Variants in OAS2 observed in about 807,000 individuals in gnomAD.
The protein encoded by OAS2 is 2'-5'-oligoadenylate synthase 2.
OAS2 carries 67 observed loss-of-function variants against 71.3 expected under a neutral mutation model. That is an observed-to-expected ratio of 0.94 (90% CI 0.77 to 1.15). The LOEUF (loss-of-function observed/expected upper bound fraction) is 1.15. Among genes scored for constraint, OAS2 ranks in the 50% most tolerant of loss-of-function variants. The probability of loss-of-function intolerance (pLI) is 0.00; values close to 1 mark genes in which losing one functional copy is unlikely to be tolerated. For missense variants in OAS2, 789 were observed against 822.5 expected (o/e 0.96, Z 0.50); for synonymous variants, 327 against 321.8 (o/e 1.02, Z -0.17).
At chr12:112,979,948 G>A (rs1248129088) in intron 1 of OAS2, among the ~76,000 whole-genome samples, 1 of 152,218 alleles carries the variant, frequency 6.6e-6, no homozygotes, top group Admixed American at 6.5e-5. Context: ...AAACCAGGAT[G>A]CATGGGTGAA....
intron 1 of OAS2, among the ~76,000 whole-genome samples, chr12:112,986,798 TG>T (rs1229012099): frequency 6.6e-6 from 1 of 152,116 alleles, no homozygotes; most frequent in Non-Finnish European, 1.5e-5. Flanking sequence ...TGGTGGCAGG[TG>T]GGGCAGTTCA....
At chr12:112,992,098 A>AC (rs5800979) in intron 2 of OAS2, among the ~76,000 whole-genome samples, 41,876 of 151,900 alleles carry the variant, frequency 0.28, 6,724 homozygotes, top group East Asian at 0.8. Flanking sequence ...ATAATCACAA[A>AC]CTTAAATAAT....
In OAS2 at chr12:112,978,815, G is replaced by T. The variant is rs1186288504; in HGVS notation, c.177+30G>T. 1.9e-6 allele frequency: 3 copies of T among 1,579,446 alleles called. No individual in the cohort carries two copies. The highest frequency in any genetic ancestry group is 2.3e-5 in the South Asian group (2 of 87,356). ...GTCCAGGGCTGAGGTTGGGTCTCTG[G>T]GAGGCAGGAGATTCCACGGCGGCAG... is the stretch of plus-strand genomic sequence containing the variant. On this transcript the variant is annotated intron_variant, in intron 1 of 9. Coordinates refer to ENST00000392583, the MANE Select transcript of OAS2 (RefSeq NM_002535.3). The surrounding 1 kb of genome is among the most constrained non-coding windows in gnomAD (Gnocchi z 4.2).
Position 113,003,014 on chromosome 12 carries a change from A to G in OAS2, c.1091A>G (p.Glu364Gly). ...CTCCAGCCCAACAAATGCTTCCTAGAGCAGATTGACAGTGCTGTTAACATC... is the reference window on the plus strand; with the variant it reads ...CTCCAGCCCAACAAATGCTTCCTAGGGCAGATTGACAGTGCTGTTAACATC... ...EFLQPNKCFL[E>G]QIDSAVNIIR... Residue 364 changes from glutamate (E) to glycine (G), a missense_variant, in exon 6 of 10, where the codon GAG becomes GGG. By Grantham distance (98) the Glu-to-Gly change is moderately conservative. Transcript: ENST00000392583. The G allele has an allele frequency of 1.2e-6, 2 of 1,614,148 alleles. No homozygotes were observed.
chr12:112,986,598 C>G (rs2136378599), intron 1 of OAS2, among the ~76,000 whole-genome samples: 1 of 152,288 alleles, frequency 6.6e-6, no homozygotes, highest in East Asian at 1.9e-4. Context: ...TCTCCTGGCC[C>G]CTGGGCAGCA....
intron 2 of OAS2, among the ~76,000 whole-genome samples, chr12:112,991,723 G>C (rs1009909358): frequency 5.9e-5 from 9 of 152,214 alleles, no homozygotes; most frequent in Non-Finnish European, 1.2e-4. Flanking sequence ...GTCCTGAGAA[G>C]TTCCCAGCTT....
intron 5 of OAS2, 45 bp downstream of exon 5, chr12:112,998,455 G>T (rs1227583426): frequency 6.9e-6 from 11 of 1,584,572 alleles, no homozygotes; most frequent in East Asian, 2.3e-5. Flanking sequence ...CTGCAGGAAG[G>T]TCTTCCTGAC....
Position 113,009,650 on chromosome 12 carries a change from G to A in OAS2, c.*395G>A. 1 of 992,560 alleles carries A rather than the reference G, an allele frequency of 1.0e-6. No individual in the cohort carries two copies. The highest frequency in any genetic ancestry group is 1.2e-6 in the Non-Finnish European group (1 of 835,044). The allele number at this position is 992,560 out of a possible 1,614,324, so 61.5% of individuals were successfully genotyped here. A position where few individuals can be genotyped will look rare whatever the true frequency, so the allele number is the denominator to read the frequency against. Reference sequence around the variant, plus strand: ...CGGCCACGGTGCCTCCAGATGGCAGGTTTGCAATCCAAGCAGGAAGAAGGA... The same window carrying A: ...CGGCCACGGTGCCTCCAGATGGCAGATTTGCAATCCAAGCAGGAAGAAGGA... On this transcript the variant is annotated 3_prime_UTR_variant, in exon 10 of 10. Transcript: ENST00000392583.
At chr12:112,993,325 C>T (rs931468902) in intron 2 of OAS2, among the ~76,000 whole-genome samples, 6 of 152,146 alleles carry the variant, frequency 3.9e-5, no homozygotes, top group Non-Finnish European at 7.3e-5. Flanking sequence ...TTCCATTATC[C>T]TCATCTGTAA....
chr12:112,985,133 C>T (rs917949881), intron 1 of OAS2, among the ~76,000 whole-genome samples: 3 of 152,144 alleles, frequency 2.0e-5, no homozygotes, highest in African/African-American at 7.2e-5. Context: ...CTGCAGAAGA[C>T]ATTTTGGGGT....
chr12:113,010,056 C>T lies in OAS2; in HGVS notation c.*801C>T. 9.8e-7 allele frequency: 1 copy of T among 1,015,958 alleles called. No individual in the cohort carries two copies. The highest frequency in any genetic ancestry group is 3.9e-5 in the South Asian group (1 of 25,340). 62.9% of individuals were successfully genotyped at this position (1,015,958 alleles called of 1,614,324 possible). A position where few individuals can be genotyped will look rare whatever the true frequency, so the allele number is the denominator to read the frequency against. The stretch of plus-strand genomic sequence containing the variant: ...TGTTGAGCAGCATCTCTGGCCTGTA[C>T]CCAGTAGATGCCACCCAGTTGTGAC... On this transcript the variant is annotated 3_prime_UTR_variant, in exon 10 of 10. Coordinates refer to ENST00000392583, the MANE Select transcript of OAS2 (RefSeq NM_002535.3).
intron 5 of OAS2, among the ~76,000 whole-genome samples, chr12:113,000,133 G>A (rs959153830): frequency 6.6e-6 from 1 of 152,090 alleles, no homozygotes; most frequent in Non-Finnish European, 1.5e-5. Context: ...AGGGATCTCT[G>A]AGAACAAGAA....
chr12:113,003,455 A>G (rs2044306658), intron 6 of OAS2, among the ~76,000 whole-genome samples: 1 of 152,114 alleles, frequency 6.6e-6, no homozygotes, highest in African/African-American at 2.4e-5. Flanking sequence ...CATAGGATTT[A>G]GGGCCCAGCC....
Position 113,007,946 on chromosome 12 carries a change from G to T in OAS2, c.1895+3G>T. ...CTGAGCCAGTTGCAGAAAACCAGGT[G>T]CCTTCACCCTAGCCCCGTACTTTTC... is the stretch of plus-strand genomic sequence containing the variant. On this transcript the variant is annotated splice_donor_region_variant and intron_variant, in intron 9 of 9. Transcript: ENST00000392583. 4 of 1,603,398 alleles carry T rather than the reference G, an allele frequency of 2.5e-6. No homozygotes were observed. Among genetic ancestry groups the T allele is most frequent in the Non-Finnish European group, 3.4e-6 (4 of 1,170,234 alleles).
rs1218821455 is a variant in OAS2 at position 113,009,196 on chromosome 12, T to C, written c.2005T>C (p.Phe669Leu). 6 of 1,614,080 alleles carry C rather than the reference T, an allele frequency of 3.7e-6. No individual in the cohort carries two copies. In the South Asian group the frequency reaches 5.5e-5, roughly 15 times the overall value. ...AAAGGAATGGTTATCCTCTCCCTGC[T>C]TCAAGGATGGGACTGGAAACCCAAT... ...EAKEWLSSPC[F>L]KDGTGNPIPP... is the part of the protein sequence containing the mutation. Residue 669 changes from phenylalanine to leucine, a missense_variant, in exon 10 of 10, where the codon TTC becomes CTC. Phe to Leu is a conservative substitution (Grantham distance 22). Transcript: ENST00000392583.
In OAS2 at chr12:113,007,821, T is replaced by G. The variant is rs1357747560; in HGVS notation, c.1773T>G (p.Gly591=). The change falls in exon 9 of 10, where the codon GGT becomes GGG. Residue 591 remains glycine, a synonymous_variant. Coordinates refer to ENST00000392583, the MANE Select transcript of OAS2 (RefSeq NM_002535.3). ...SGVPDFDTAE[G]FRTVLELVTQ... is the part of the protein sequence containing the mutation. Reference sequence around the variant, plus strand: ...TGCCGGATTTTGACACTGCAGAAGGTTTCCGGACAGTCCTGGAGCTGGTCA... The same window carrying G: ...TGCCGGATTTTGACACTGCAGAAGGGTTCCGGACAGTCCTGGAGCTGGTCA... 3.1e-5 allele frequency: 50 copies of G among 1,613,958 alleles called. No homozygotes were observed. Among genetic ancestry groups the G allele is most frequent in the Non-Finnish European group, 4.2e-5 (50 of 1,180,004 alleles).
chr12:112,999,148 C>T (rs997053727), intron 5 of OAS2, among the ~76,000 whole-genome samples: 10 of 152,288 alleles, frequency 6.6e-5, no homozygotes, highest in South Asian at 4.1e-4. Context: ...CTCTGAGCTC[C>T]GTTCAGGCAG....
intron 2 of OAS2, 68 bp downstream of exon 2, chr12:112,987,376 C>T (rs1217498705): frequency 7.5e-6 from 12 of 1,591,094 alleles, no homozygotes; most frequent in Non-Finnish European, 1.0e-5. Flanking sequence ...TGTGCAACCT[C>T]TAGGCCATGA....
chr12:112,986,782 A>G (rs1000574013), intron 1 of OAS2, among the ~76,000 whole-genome samples: 2 of 151,652 alleles, frequency 1.3e-5, no homozygotes, highest in Non-Finnish European at 1.5e-5. Context: ...CAGTAAGCAC[A>G]GGTGCTGGTG....
Sources: allele counts gnomAD v4.1 joint callset (sites outside exome capture counted in the v4.1 genomes callset), GRCh38; gene constraint gnomAD v4.1.1; non-coding constraint Gnocchi (gnomAD v3.1); transcripts MANE v1.5; gene names NCBI Gene and HGNC (gene_info 2026-07-23, HGNC 2026-07-21).